The following LRRC8D variants were observed in gnomAD, a reference collection of about 807,000 sequenced individuals.
LRRC8D encodes volume-regulated anion channel subunit LRRC8D.
LRRC8D carries 20 observed loss-of-function variants against 55.8 expected under a neutral mutation model. The observed-to-expected ratio is 0.36, with a 90% CI of 0.25 to 0.52. LRRC8D has a LOEUF of 0.52. LRRC8D is among the 20% of genes least tolerant of loss of function. LRRC8D has a pLI of 0.93. For synonymous variants in LRRC8D, 352 were observed against 377.0 expected (o/e 0.93, Z 0.77); for missense variants, 651 against 1,030.8 (o/e 0.63, Z 5.05).
chr1:89,876,048 C>T (rs952484100), intron 2 of LRRC8D, among the ~76,000 whole-genome samples: 4 of 152,138 alleles, frequency 2.6e-5, no homozygotes, highest in Non-Finnish European at 5.9e-5. Flanking sequence ...TTGAAAAGCT[C>T]CTAATACCTC....
chr1:89,868,651 A>T (rs1486454717), intron 2 of LRRC8D, among the ~76,000 whole-genome samples: 3 of 152,196 alleles, frequency 2.0e-5, no homozygotes. Context: ...TGACATAGCA[A>T]CTCGATGAAG....
chr1:89,832,767 A>C (rs1660917660), intron 1 of LRRC8D, among the ~76,000 whole-genome samples: 2 of 152,248 alleles, frequency 1.3e-5, no homozygotes, highest in Admixed American at 1.3e-4. Context: ...TTATGCGTTA[A>C]CAAGTTGTAC....
chr1:89,872,999 T>C (rs569951246), intron 2 of LRRC8D, among the ~76,000 whole-genome samples: 167 of 152,348 alleles, frequency 1.1e-3, no homozygotes, highest in African/African-American at 3.3e-3. Context: ...AAAATTGATA[T>C]TACAAGCAGG....
At chr1:89,866,801 C>T (rs1210531538) in intron 2 of LRRC8D, among the ~76,000 whole-genome samples, 1 of 152,110 alleles carries the variant, frequency 6.6e-6, no homozygotes, top group African/African-American at 2.4e-5. Context: ...GAATACACAC[C>T]TGTTGAGGAG....
intron 2 of LRRC8D, among the ~76,000 whole-genome samples, chr1:89,879,275 A>G (rs1012543404): frequency 3.9e-5 from 6 of 152,338 alleles, no homozygotes; most frequent in Admixed American, 3.9e-4. Flanking sequence ...TGCAATTTAG[A>G]AGGTGGTTCC....
intron 2 of LRRC8D, among the ~76,000 whole-genome samples, chr1:89,848,906 G>C (rs1661344198): frequency 6.6e-6 from 1 of 152,052 alleles, no homozygotes; most frequent in African/African-American, 2.4e-5. Flanking sequence ...CACCGTGTTA[G>C]CCAGGATGAT....
At chr1:89,841,551 C>T (rs1661134903) in intron 1 of LRRC8D, among the ~76,000 whole-genome samples, 2 of 152,108 alleles carry the variant, frequency 1.3e-5, no homozygotes, top group Non-Finnish European at 2.9e-5. Flanking sequence ...AACTTGAAGC[C>T]ATGTGTGTTT....
chr1:89,904,401 G>A (rs984949939), intron 2 of LRRC8D, among the ~76,000 whole-genome samples: 8 of 152,240 alleles, frequency 5.3e-5, no homozygotes, highest in Non-Finnish European at 1.0e-4. Context: ...TGCTGGTCTG[G>A]TTCCTGGGCT....
chr1:89,826,185 G>T (rs1344980740), intron 1 of LRRC8D, among the ~76,000 whole-genome samples: 1 of 152,176 alleles, frequency 6.6e-6, no homozygotes, highest in Non-Finnish European at 1.5e-5. Flanking sequence ...TTAGAATTAA[G>T]GATGCAGTTG....
At chr1:89,845,279 A>G (rs1393703625) in intron 2 of LRRC8D, among the ~76,000 whole-genome samples, 1 of 152,208 alleles carries the variant, frequency 6.6e-6, no homozygotes, top group African/African-American at 2.4e-5. Context: ...CAATAAGTAC[A>G]TGGCATTAAG....
intron 2 of LRRC8D, among the ~76,000 whole-genome samples, chr1:89,851,137 C>A (rs930066620): frequency 1.3e-5 from 2 of 150,090 alleles, no homozygotes; most frequent in African/African-American, 4.9e-5. Context: ...ACTTGGTCAT[C>A]TGTGTAGGGC....
At chr1:89,920,930 A>G (rs755985347) in intron 2 of LRRC8D, among the ~76,000 whole-genome samples, 4 of 152,214 alleles carry the variant, frequency 2.6e-5, no homozygotes, top group African/African-American at 4.8e-5. Context: ...ATTTATTTCA[A>G]TGAAAGATTT....
At chr1:89,886,038 T>C (rs1662410583) in intron 2 of LRRC8D, among the ~76,000 whole-genome samples, 1 of 152,194 alleles carries the variant, frequency 6.6e-6, no homozygotes. Flanking sequence ...CTTTACTCCT[T>C]AAAGAAAAGT....
At chr1:89,848,252 T>A (rs2100758708) in intron 2 of LRRC8D, among the ~76,000 whole-genome samples, 1 of 152,342 alleles carries the variant, frequency 6.6e-6, no homozygotes, top group African/African-American at 2.4e-5. Flanking sequence ...CCTGTTTTTG[T>A]AGAGTCAGGA....
chr1:89,836,384 C>T (rs2100724320), intron 1 of LRRC8D, among the ~76,000 whole-genome samples: 1 of 152,326 alleles, frequency 6.6e-6, no homozygotes, highest in Non-Finnish European at 1.5e-5. Flanking sequence ...TCTGCCTTCT[C>T]TACTGTTCTT....
rs376821429 is a variant in LRRC8D at position 89,862,350 on chromosome 1, A to C, written c.-3+18568A>C. ...GAGTCATTTCATTGTAGCTCAAAGA[A>C]GGCTATATATACCCTGTTAGCCCAT... On this transcript the variant is annotated intron_variant, in intron 2 of 2. Transcript: ENST00000337338. Among the ~76,000 whole-genome samples, 7 of 152,306 alleles carry C rather than the reference A, an allele frequency of 4.6e-5. No individual in the cohort carries two copies. In the East Asian group the frequency reaches 1.2e-3, roughly 25 times the overall value.
intron 2 of LRRC8D, among the ~76,000 whole-genome samples, chr1:89,931,598 A>G (rs1663707248): frequency 6.6e-6 from 1 of 152,038 alleles, no homozygotes; most frequent in African/African-American, 2.4e-5. Flanking sequence ...GTCTCTACTA[A>G]AAATACAAAA....
intron 2 of LRRC8D, among the ~76,000 whole-genome samples, chr1:89,893,589 A>T (rs537663357): frequency 6.6e-6 from 1 of 152,324 alleles, no homozygotes; most frequent in South Asian, 2.1e-4. Context: ...TCCCAAGCAT[A>T]CATTTTTTCC....
At chr1:89,929,155 A>G (rs886127652) in intron 2 of LRRC8D, among the ~76,000 whole-genome samples, 1 of 152,236 alleles carries the variant, frequency 6.6e-6, no homozygotes, top group Non-Finnish European at 1.5e-5. Context: ...TCAGACAAGT[A>G]AATACAGTGT....
Sources: allele counts gnomAD v4.1 joint callset (sites outside exome capture counted in the v4.1 genomes callset), GRCh38; gene constraint gnomAD v4.1.1; transcripts MANE v1.5; gene names NCBI Gene and HGNC (gene_info 2026-07-23, HGNC 2026-07-21).